PIGU: variants seen among roughly 807,000 people sequenced by gnomAD.
PIGU encodes phosphatidylinositol glycan anchor biosynthesis class U.
Under a neutral mutation model 49.9 loss-of-function variants are expected in PIGU, and 24 were observed. That is an observed-to-expected ratio of 0.48 (90% CI 0.35 to 0.68). PIGU has a LOEUF of 0.68. PIGU is among the 30% of genes least tolerant of loss of function. The probability of loss-of-function intolerance (pLI) is 0.01; values close to 1 mark genes in which losing one functional copy is unlikely to be tolerated. For missense variants in PIGU, 490 were observed against 532.6 expected, an observed-to-expected ratio of 0.92 and a Z score of 0.79; for synonymous variants, 220 against 205.7, an observed-to-expected ratio of 1.07 and a Z score of -0.59.
chr20:34,655,638 C>G (rs1986678337), intron 2 of PIGU, among the ~76,000 whole-genome samples: 1 of 120,640 alleles, frequency 8.3e-6, no homozygotes, highest in African/African-American at 3.0e-5. Flanking sequence ...CGTGCCACTG[C>G]ATTCCAGCCT....
chr20:34,586,229 A>T (rs1983694625), intron 8 of PIGU, among the ~76,000 whole-genome samples: 1 of 152,224 alleles, frequency 6.6e-6, no homozygotes, highest in African/African-American at 2.4e-5. Flanking sequence ...AAAAAATATG[A>T]AGTTGAAACT....
intron 7 of PIGU, among the ~76,000 whole-genome samples, chr20:34,596,378 T>C (rs569383765): frequency 6.6e-6 from 1 of 152,238 alleles, no homozygotes; most frequent in East Asian, 1.9e-4. Flanking sequence ...CAAACAAAAA[T>C]AGCCTCAGTA....
intron 7 of PIGU, among the ~76,000 whole-genome samples, chr20:34,589,581 G>A (rs1315279558): frequency 1.3e-5 from 2 of 149,044 alleles, no homozygotes; most frequent in African/African-American, 4.9e-5. Context: ...TCCATCTCTT[G>A]ACCTCGTGAA....
At chr20:34,666,343 G>A (rs182612190) in intron 1 of PIGU, among the ~76,000 whole-genome samples, 8 of 152,088 alleles carry the variant, frequency 5.3e-5, no homozygotes, top group African/African-American at 1.9e-4. Flanking sequence ...AATAAAACCT[G>A]TGAAAATACA....
chr20:34,568,992 T>C (rs1982892256), intron 11 of PIGU, among the ~76,000 whole-genome samples: 1 of 151,988 alleles, frequency 6.6e-6, no homozygotes, highest in African/African-American at 2.4e-5. Context: ...GGAGTTTGGC[T>C]TGAGCTCAGG....
chr20:34,583,070 G>A (rs1029076028), intron 9 of PIGU, among the ~76,000 whole-genome samples: 5 of 152,216 alleles, frequency 3.3e-5, no homozygotes, highest in Non-Finnish European at 7.3e-5. Context: ...TCAAAGGTCA[G>A]GGTGACTCAA....
intron 11 of PIGU, among the ~76,000 whole-genome samples, chr20:34,573,461 G>C (rs1983096321): frequency 6.6e-6 from 1 of 152,204 alleles, no homozygotes; most frequent in Admixed American, 6.5e-5. Context: ...CCACAGAGAA[G>C]AAAGCTGTTA....
chr20:34,676,799 C>T (rs1987516999), intron 1 of PIGU, among the ~76,000 whole-genome samples, 157 bp downstream of exon 1: 2 of 152,104 alleles, frequency 1.3e-5, no homozygotes, highest in Admixed American at 6.6e-5. Flanking sequence ...CCCTCACCAG[C>T]CCCGCCCTCA....
At chr20:34,617,367 G>GC (rs921534472) in intron 6 of PIGU, among the ~76,000 whole-genome samples, 6 of 152,214 alleles carry the variant, frequency 3.9e-5, no homozygotes, top group Non-Finnish European at 5.9e-5. Context: ...GGGTGGAGCT[G>GC]CCCAAGACCA....
intron 11 of PIGU, among the ~76,000 whole-genome samples, chr20:34,572,669 A>C (rs1983064133): frequency 6.6e-6 from 1 of 152,102 alleles, no homozygotes; most frequent in African/African-American, 2.4e-5. Flanking sequence ...ATAAATATAT[A>C]AATAAAGTGC....
rs1332035081 is a variant in PIGU, at chr20:34,581,556, A to C, written c.1043T>G (p.Leu348Arg). ...GAGGCGGGAGTACTCACATCTGTAG[A>C]GATGGTTCCACACGGGGAAGAAGGC... Reference protein sequence around the residue: ...YMAFFPVWNHLYRFLRNIFVL... With the variant: ...YMAFFPVWNHRYRFLRNIFVL... The change falls in exon 10 of 12, where the codon CTC (leucine) becomes CGC (arginine). Residue 348 changes from leucine to arginine, a missense_variant. Physicochemically the swap from Leu to Arg is moderately radical, Grantham distance 102 (BLOSUM62 -2). Transcript: ENST00000217446. 6.2e-7 allele frequency: 1 copy of C among 1,613,000 alleles called. No homozygotes were observed. Among genetic ancestry groups the C allele is most frequent in the South Asian group, 1.1e-5 (1 of 90,928 alleles).
chr20:34,645,203 AGAG>A (rs1290204191), intron 3 of PIGU, 69 bp downstream of exon 3: 4 of 1,307,596 alleles, frequency 3.1e-6, no homozygotes, highest in East Asian at 3.0e-5. Flanking sequence ...AAAAAAAAAA[AGAG>A]AGAGAGAGAC....
intron 6 of PIGU, among the ~76,000 whole-genome samples, chr20:34,625,937 T>A (rs1600639432): frequency 7.3e-6 from 1 of 136,728 alleles, no homozygotes; most frequent in East Asian, 2.1e-4. Flanking sequence ...AAAATTAGAT[T>A]AAAAAAAATA....
chr20:34,662,783 T>A (rs1328894511), intron 1 of PIGU, among the ~76,000 whole-genome samples: 2 of 152,230 alleles, frequency 1.3e-5, no homozygotes, highest in African/African-American at 4.8e-5. Flanking sequence ...AAATAAATAT[T>A]TAAATGTTCA....
intron 9 of PIGU, among the ~76,000 whole-genome samples, chr20:34,583,143 T>C (rs1325055655): frequency 6.6e-6 from 1 of 152,228 alleles, no homozygotes; most frequent in African/African-American, 2.4e-5. Flanking sequence ...AGTGCTGCTG[T>C]GCAGCAAGTG....
chr20:34,670,130 A>G (rs1283105953), intron 1 of PIGU, among the ~76,000 whole-genome samples: 3 of 151,862 alleles, frequency 2.0e-5, no homozygotes, highest in Non-Finnish European at 4.4e-5. Flanking sequence ...CCTTACAATA[A>G]TTCACCATAG....
At chr20:34,583,464 C>A (rs117187575) in intron 9 of PIGU, among the ~76,000 whole-genome samples, 2,531 of 152,306 alleles carry the variant, frequency 0.017, 31 homozygotes, top group Non-Finnish European at 0.027. Flanking sequence ...CATACCCAGG[C>A]AGAAGAGAAG....
At position 34,634,634 on chromosome 20, in the gene PIGU, G is replaced by A. The variant is rs1448481063; in HGVS notation, c.510C>T (p.Phe170=). 1 of 1,612,746 alleles carries A rather than the reference G, an allele frequency of 6.2e-7. No individual in the cohort carries two copies. The highest frequency in any genetic ancestry group is 8.5e-7 in the Non-Finnish European group (1 of 1,179,054). The stretch of plus-strand genomic sequence containing the variant: ...CCTTACCTTTTATCGTAGTCAAAAT[G>A]AAGAAAGCAATGAGGGTGTTGTTGA... ...CAINNTLIAF[F]ILTTIKGSAF... is the part of the protein sequence containing the mutation. The change falls in exon 6 of 12, where the codon TTC becomes TTT. Residue 170 remains phenylalanine (F), a synonymous_variant. Coordinates refer to ENST00000217446, the MANE Select transcript of PIGU (RefSeq NM_080476.5).
At chr20:34,597,401 A>T (rs1356103619) in intron 7 of PIGU, among the ~76,000 whole-genome samples, 2 of 152,238 alleles carry the variant, frequency 1.3e-5, no homozygotes, top group Non-Finnish European at 2.9e-5. Context: ...CATTTATATG[A>T]TGTTTTAGAA....
Sources: allele counts gnomAD v4.1 joint callset (sites outside exome capture counted in the v4.1 genomes callset), GRCh38; gene constraint gnomAD v4.1.1; transcripts MANE v1.5; gene names NCBI Gene and HGNC (gene_info 2026-07-23, HGNC 2026-07-21).